GRM1: variants seen among roughly 807,000 people sequenced by gnomAD.
GRM1 encodes metabotropic glutamate receptor 1.
Under a neutral mutation model 90.9 loss-of-function variants are expected in GRM1, and 33 were observed. The observed-to-expected ratio is 0.36, with a 90% CI of 0.28 to 0.49. The LOEUF (loss-of-function observed/expected upper bound fraction) is 0.49. Among genes scored for constraint, GRM1 ranks in the 20% least tolerant of loss-of-function variants. The pLI, the probability that GRM1 is intolerant of heterozygous loss-of-function variation, is 0.99. For synonymous variants in GRM1, 700 were observed against 613.2 expected (o/e 1.14, Z -2.09); for missense variants, 1,190 against 1,534.3 (o/e 0.78, Z 3.75).
chr6:146,353,821 G>A (rs1785488725), intron 4 of GRM1, among the ~76,000 whole-genome samples: 1 of 152,108 alleles, frequency 6.6e-6, no homozygotes, highest in Admixed American at 6.5e-5. Context: ...TAGTAGAGAT[G>A]GGGTTTCACC....
chr6:146,141,266 T>C (rs541699588), intron 1 of GRM1, among the ~76,000 whole-genome samples: 12 of 152,130 alleles, frequency 7.9e-5, no homozygotes, highest in African/African-American at 2.4e-4. Context: ...TGGAACTCCA[T>C]TGTCTGTTCT....
At chr6:146,176,208 A>G (rs1778332517) in intron 2 of GRM1, among the ~76,000 whole-genome samples, 1 of 152,048 alleles carries the variant, frequency 6.6e-6, no homozygotes, top group Non-Finnish European at 1.5e-5. Context: ...TGATTATTCA[A>G]CAATAAAATA....
At chr6:146,066,766 C>CAGAGAGAGAGAG (rs560090955) in intron 1 of GRM1, among the ~76,000 whole-genome samples, 4 of 60,084 alleles carry the variant, frequency 6.7e-5, no homozygotes, top group African/African-American at 1.9e-4. Flanking sequence ...GACAGACAGG[C>CAGAGAGAGAGAG]AGAGAGAGAG....
At chr6:146,111,840 AAC>A (rs1775572454) in intron 1 of GRM1, among the ~76,000 whole-genome samples, 1 of 152,252 alleles carries the variant, frequency 6.6e-6, no homozygotes, top group South Asian at 2.1e-4. Flanking sequence ...TGAATGGATT[AAC>A]ACAGAAAAGC....
intron 2 of GRM1, among the ~76,000 whole-genome samples, chr6:146,269,284 A>C (rs1782026150): frequency 6.6e-6 from 1 of 152,246 alleles, no homozygotes; most frequent in Non-Finnish European, 1.5e-5. Context: ...TACTTGAATG[A>C]AAATTCAATA....
chr6:146,217,632 A>G (rs999572368), intron 2 of GRM1, among the ~76,000 whole-genome samples: 1 of 152,214 alleles, frequency 6.6e-6, no homozygotes, highest in Non-Finnish European at 1.5e-5. Context: ...TGTGCCAGGC[A>G]CTGGGGTAGG....
rs1488309624 is a variant in GRM1, at chr6:146,437,271, A to G, written c.*2475A>G. The G allele has an allele frequency of 6.6e-6, 1 of 152,358 alleles. No homozygotes were observed. The highest frequency in any genetic ancestry group is 2.4e-5 in the African/African-American group (1 of 41,460). The allele number at this position is 152,358 out of a possible 1,614,324, so 9.4% of individuals were successfully genotyped here. A position where few individuals can be genotyped will look rare whatever the true frequency, so the allele number is the denominator to read the frequency against. On this transcript the variant is annotated 3_prime_UTR_variant, in exon 8 of 8. Transcript: ENST00000282753. ...TAGGATAGATAAGGAAACAACTTAT[A>G]TTCAAGTGTAAGATGATATCAGGTT... is the stretch of plus-strand genomic sequence containing the variant.
At chr6:146,423,093 C>T (rs1026711928) in intron 7 of GRM1, among the ~76,000 whole-genome samples, 1 of 152,170 alleles carries the variant, frequency 6.6e-6, no homozygotes, top group African/African-American at 2.4e-5. Context: ...AACTAAACTA[C>T]TTCTGGGGTT....
chr6:146,308,542 C>A (rs1783661282), intron 3 of GRM1, among the ~76,000 whole-genome samples: 1 of 152,102 alleles, frequency 6.6e-6, no homozygotes, highest in Non-Finnish European at 1.5e-5. Flanking sequence ...CTAGAAAAAA[C>A]AAGACAACAA....
chr6:146,122,835 C>CT (rs1554269490), intron 1 of GRM1, among the ~76,000 whole-genome samples: 2 of 101,760 alleles, frequency 2.0e-5, no homozygotes, highest in African/African-American at 3.7e-5. Context: ...CTTTTCTTTT[C>CT]TTTCTTTTTT....
intron 2 of GRM1, among the ~76,000 whole-genome samples, chr6:146,281,685 G>C (rs1782573809): frequency 6.6e-6 from 1 of 152,080 alleles, no homozygotes; most frequent in Non-Finnish European, 1.5e-5. Context: ...TCTGGAAAAG[G>C]AGAATGACAG....
chr6:146,368,863 G>A (rs1343399654), intron 5 of GRM1, among the ~76,000 whole-genome samples: 1 of 151,932 alleles, frequency 6.6e-6, no homozygotes, highest in Non-Finnish European at 1.5e-5. Flanking sequence ...TGGCTTTGTA[G>A]AATGAATTTG....
At chr6:146,187,754 T>C (rs936373797) in intron 2 of GRM1, among the ~76,000 whole-genome samples, 6 of 151,482 alleles carry the variant, frequency 4.0e-5, no homozygotes, top group Admixed American at 1.3e-4. Flanking sequence ...TATATATATA[T>C]AAAATTAGCT....
chr6:146,114,334 T>G (rs1189683644), intron 1 of GRM1, among the ~76,000 whole-genome samples: 1 of 152,210 alleles, frequency 6.6e-6, no homozygotes. Context: ...TATTATTGCT[T>G]TTCTAATAAT....
intron 2 of GRM1, among the ~76,000 whole-genome samples, chr6:146,267,596 C>A (rs1781939606): frequency 7.0e-6 from 1 of 143,338 alleles, no homozygotes; most frequent in Non-Finnish European, 1.5e-5. Context: ...AAGTATCCAG[C>A]ATGGGAGAAA....
intron 1 of GRM1, among the ~76,000 whole-genome samples, chr6:146,155,126 C>T (rs1322562506): frequency 6.6e-6 from 1 of 151,818 alleles, no homozygotes; most frequent in Non-Finnish European, 1.5e-5. Context: ...AATATTTTCT[C>T]GTGGAGATTA....
chr6:146,320,099 G>T (rs1014451542), intron 3 of GRM1, among the ~76,000 whole-genome samples: 2 of 152,104 alleles, frequency 1.3e-5, no homozygotes, highest in Non-Finnish European at 2.9e-5. Flanking sequence ...TTGGCTGTGG[G>T]TTTGTCATAA....
chr6:146,411,510 C>T (rs1352083926), intron 7 of GRM1, among the ~76,000 whole-genome samples: 1 of 152,134 alleles, frequency 6.6e-6, no homozygotes, highest in Non-Finnish European at 1.5e-5. Context: ...AGAATCCACT[C>T]AGGTCACAGA....
At chr6:146,172,887 G>T (rs1403498363) in intron 2 of GRM1, among the ~76,000 whole-genome samples, 1 of 152,150 alleles carries the variant, frequency 6.6e-6, no homozygotes, top group East Asian at 1.9e-4. Context: ...GGTTTTGGAA[G>T]AGTAGAGAAA....
Sources: allele counts gnomAD v4.1 joint callset (sites outside exome capture counted in the v4.1 genomes callset), GRCh38; gene constraint gnomAD v4.1.1; transcripts MANE v1.5; gene names NCBI Gene and HGNC (gene_info 2026-07-23, HGNC 2026-07-21).